VWC2: variants seen among roughly 807,000 people sequenced by gnomAD.
The protein encoded by VWC2 is brorin.
In VWC2, 14 loss-of-function variants were observed where a neutral mutation model predicts 29.8. The ratio of observed to expected loss-of-function variants is 0.47; its 90% CI spans 0.31 to 0.74. VWC2 has a LOEUF of 0.74. VWC2 is among the 30% of genes least tolerant of loss of function. The probability of loss-of-function intolerance (pLI) is 0.05; values close to 1 mark genes in which losing one functional copy is unlikely to be tolerated. For synonymous variants in VWC2, 213 were observed against 199.0 expected, an observed-to-expected ratio of 1.07 and a Z score of -0.59; for missense variants, 457 against 459.8, an observed-to-expected ratio of 0.99 and a Z score of 0.05.
At chr7:49,821,696 G>A (rs1583650785) in intron 3 of VWC2, among the ~76,000 whole-genome samples, 1 of 151,308 alleles carries the variant, frequency 6.6e-6, no homozygotes, top group Middle Eastern at 3.4e-3. Flanking sequence ...AGTTGATTCT[G>A]TGAGTTAAAA....
At chr7:49,895,426 A>T (rs190323329) in intron 3 of VWC2, among the ~76,000 whole-genome samples, 6 of 152,346 alleles carry the variant, frequency 3.9e-5, no homozygotes, top group Non-Finnish European at 7.4e-5. Context: ...CAGGGTGGAC[A>T]TACTCATGGA....
chr7:49,832,956 A>G lies in VWC2; in HGVS notation c.826+30116A>G, dbSNP rs558961156. On this transcript the variant is annotated intron_variant, in intron 3 of 3. Coordinates refer to ENST00000340652, the MANE Select transcript of VWC2 (RefSeq NM_198570.5). The stretch of plus-strand genomic sequence containing the variant: ...CACAGTCTAAAAGTCTTCTCTGGAG[A>G]AGTACACTTCCAGAATTGCAGCTAT... Among the ~76,000 whole-genome samples the G allele has an allele frequency of 2.0e-5, 3 of 152,304 alleles. No homozygotes were observed. In the South Asian group the frequency reaches 6.2e-4, roughly 32 times the overall value.
intron 3 of VWC2, among the ~76,000 whole-genome samples, chr7:49,877,481 A>AAAAAAAAAAAATATATATAT: frequency 7.9e-5 from 1 of 12,722 alleles, no homozygotes; most frequent in African/African-American, 2.8e-4. Flanking sequence ...AAAAAAAAAA[A>AAAAAAAAAAAATATATATAT]ATATATATAT....
At chr7:49,788,689 G>A (rs1005586149) in intron 2 of VWC2, among the ~76,000 whole-genome samples, 48 of 97,352 alleles carry the variant, frequency 4.9e-4, no homozygotes, top group Non-Finnish European at 6.4e-4. Flanking sequence ...GTGGGTGTGT[G>A]AGGGTGTGTG....
intron 3 of VWC2, among the ~76,000 whole-genome samples, chr7:49,892,499 C>A (rs902287226): frequency 1.3e-5 from 2 of 152,158 alleles, no homozygotes; most frequent in African/African-American, 2.4e-5. Context: ...CTAAGGAGTG[C>A]AGAGATAGGC....
intron 3 of VWC2, among the ~76,000 whole-genome samples, chr7:49,841,432 G>T (rs532930418): frequency 6.6e-6 from 1 of 152,192 alleles, no homozygotes; most frequent in East Asian, 1.9e-4. Flanking sequence ...TGAATTGGTG[G>T]AATTTAAGGT....
intron 3 of VWC2, among the ~76,000 whole-genome samples, chr7:49,858,741 C>T (rs936855465): frequency 1.3e-5 from 2 of 152,032 alleles, no homozygotes; most frequent in African/African-American, 4.8e-5. Flanking sequence ...AGAAAGAGAA[C>T]ACAATGCAAG....
intron 3 of VWC2, among the ~76,000 whole-genome samples, chr7:49,835,656 G>A (rs1789639637): frequency 6.6e-6 from 1 of 152,186 alleles, no homozygotes; most frequent in Admixed American, 6.5e-5. Context: ...AATTACAGAA[G>A]GGGCTCAGTG....
intron 3 of VWC2, among the ~76,000 whole-genome samples, chr7:49,886,784 A>T (rs1376359332): frequency 6.6e-6 from 1 of 152,144 alleles, no homozygotes; most frequent in African/African-American, 2.4e-5. Flanking sequence ...ATTTGTATTT[A>T]TGTTCTTTGA....
chr7:49,774,025 G>A lies in VWC2; in HGVS notation c.-192G>A, dbSNP rs898123819. ...CCACGCGGGTCGCCGGCCGGCCCAG[G>A]ATGGGCGCTGGCAACCCGGGCCCGC... On this transcript the variant is annotated 5_prime_UTR_variant, in exon 1 of 4. Coordinates refer to ENST00000340652, the MANE Select transcript of VWC2 (RefSeq NM_198570.5). 2 of 151,958 alleles carry A rather than the reference G, an allele frequency of 1.3e-5. No homozygotes were observed. The highest frequency in any genetic ancestry group is 2.9e-5 in the Non-Finnish European group (2 of 68,070). The allele number at this position is 151,958 out of a possible 1,614,324, so 9.4% of individuals were successfully genotyped here.
rs58816834 is a variant in VWC2, at chr7:49,898,997, C to A, written c.827-13037C>A. On this transcript the variant is annotated intron_variant, in intron 3 of 3. Transcript: ENST00000340652. The stretch of plus-strand genomic sequence containing the variant: ...AGAAATATGGCAGATATTAATTCAA[C>A]TATATTAACAGTCACTTTGAACATA... Among the ~76,000 whole-genome samples, 925 of 152,044 alleles carry A rather than the reference C, an allele frequency of 6.1e-3. 10 individuals carry two copies. Among genetic ancestry groups the A allele is most frequent in the African/African-American group, 0.021 (885 of 41,510 alleles).
At chr7:49,856,714 T>G (rs1029362011) in intron 3 of VWC2, among the ~76,000 whole-genome samples, 10 of 152,126 alleles carry the variant, frequency 6.6e-5, no homozygotes, top group African/African-American at 2.4e-4. Flanking sequence ...TCCTTTTGGT[T>G]TTGTTTTGTT....
rs1793598163 is a variant in VWC2 at position 49,914,109 on chromosome 7, G to A, written c.*1924G>A. On this transcript the variant is annotated 3_prime_UTR_variant, in exon 4 of 4. Coordinates refer to ENST00000340652, the MANE Select transcript of VWC2 (RefSeq NM_198570.5). ...CTTTATTCAAGGATGGATTGTTTGA[G>A]ACACAGTTATTTAAAGTTGTCGTTT... 3.3e-5 allele frequency: 5 copies of A among 152,202 alleles called. No homozygotes were observed. In the South Asian group the frequency reaches 1.0e-3, roughly 32 times the overall value. 9.4% of individuals were successfully genotyped at this position (152,202 alleles called of 1,614,324 possible).
At chr7:49,898,960 T>C (rs1486311057) in intron 3 of VWC2, among the ~76,000 whole-genome samples, 1 of 151,924 alleles carries the variant, frequency 6.6e-6, no homozygotes, top group Non-Finnish European at 1.5e-5. Context: ...GTGCAACAAA[T>C]AGAAAATAGT....
At chr7:49,858,449 G>C (rs552309233) in intron 3 of VWC2, among the ~76,000 whole-genome samples, 4 of 151,174 alleles carry the variant, frequency 2.6e-5, no homozygotes, top group African/African-American at 9.7e-5. Flanking sequence ...GCAAACTATC[G>C]CAAGGACAAA....
intron 3 of VWC2, among the ~76,000 whole-genome samples, chr7:49,819,966 A>G (rs1183700884): frequency 3.3e-5 from 5 of 152,162 alleles, no homozygotes; most frequent in African/African-American, 9.7e-5. Flanking sequence ...CTTCAGCTCA[A>G]CAATCCTCCC....
chr7:49,795,870 ACTGT>A (rs1290828197), intron 2 of VWC2, among the ~76,000 whole-genome samples: 1 of 152,094 alleles, frequency 6.6e-6, no homozygotes, highest in Non-Finnish European at 1.5e-5. Flanking sequence ...AGGTCACCAC[ACTGT>A]CTGCACACAT....
intron 3 of VWC2, among the ~76,000 whole-genome samples, chr7:49,872,325 T>C (rs1410662257): frequency 6.6e-6 from 1 of 152,122 alleles, no homozygotes; most frequent in Non-Finnish European, 1.5e-5. Context: ...ATTTAATGTG[T>C]CCACCAAGTG....
chr7:49,851,804 C>T (rs527736482), intron 3 of VWC2, among the ~76,000 whole-genome samples: 3 of 151,986 alleles, frequency 2.0e-5, no homozygotes, highest in African/African-American at 7.2e-5. Flanking sequence ...TTTGCAGAGC[C>T]GAGCTTGCGC....
Sources: gnomAD v4.1 joint callset for allele counts (sites outside exome capture counted in the v4.1 genomes callset) on GRCh38, gnomAD v4.1.1 for gene constraint, MANE v1.5 for transcripts, NCBI Gene and HGNC (gene_info 2026-07-23, HGNC 2026-07-21) for gene names.